Variants in MSRA observed in about 807,000 individuals in gnomAD.
The protein encoded by MSRA is methionine sulfoxide reductase A.
A neutral mutation model predicts 31.3 loss-of-function variants in MSRA; 54 were observed. The ratio of observed to expected loss-of-function variants is 1.73; its 90% CI spans 1.39 to 2.17. The LOEUF (loss-of-function observed/expected upper bound fraction) is 2.17, where lower values mean the gene tolerates loss of function less well. Among genes scored for constraint, MSRA ranks in the 30% most tolerant of loss-of-function variants. The pLI, the probability that MSRA is intolerant of heterozygous loss-of-function variation, is 0.00. For synonymous variants in MSRA, 169 were observed against 116.5 expected, an observed-to-expected ratio of 1.45 and a Z score of -2.90; for missense variants, 507 against 300.9, an observed-to-expected ratio of 1.69 and a Z score of -5.07.
intron 1 of MSRA, among the ~76,000 whole-genome samples, chr8:10,183,811 C>CTGG (rs1806768160): frequency 8.1e-6 from 1 of 123,430 alleles, no homozygotes; most frequent in South Asian, 2.6e-4. Flanking sequence ...GGTGGTGGTG[C>CTGG]TGCTGCTGCT....
intron 2 of MSRA, among the ~76,000 whole-genome samples, chr8:10,230,530 T>C (rs182171033): frequency 1.3e-5 from 2 of 152,214 alleles, no homozygotes; most frequent in African/African-American, 4.8e-5. Context: ...ATATGGAAAA[T>C]ATATGAAAAT....
intron 5 of MSRA, among the ~76,000 whole-genome samples, chr8:10,419,311 C>T (rs1169325294): frequency 6.6e-6 from 1 of 152,186 alleles, no homozygotes; most frequent in Non-Finnish European, 1.5e-5. Flanking sequence ...GAATCCAGAC[C>T]TGGATTCTTG....
intron 5 of MSRA, among the ~76,000 whole-genome samples, chr8:10,422,252 C>G (rs1301217199): frequency 6.6e-6 from 1 of 152,176 alleles, no homozygotes; most frequent in Non-Finnish European, 1.5e-5. Flanking sequence ...CACCAGTGTA[C>G]TCCAGCCTGG....
chr8:10,379,665 G>A (rs1805950605), intron 5 of MSRA, among the ~76,000 whole-genome samples: 1 of 152,166 alleles, frequency 6.6e-6, no homozygotes, highest in South Asian at 2.1e-4. Context: ...GTTTTGACAA[G>A]ACCTATAATG....
intron 5 of MSRA, among the ~76,000 whole-genome samples, chr8:10,323,224 A>G (rs1433977014): frequency 6.6e-6 from 1 of 152,208 alleles, no homozygotes; most frequent in Non-Finnish European, 1.5e-5. Context: ...AACCCCAACC[A>G]AGAACTTAAA....
intron 2 of MSRA, among the ~76,000 whole-genome samples, chr8:10,228,074 C>G (rs1239730130): frequency 1.3e-5 from 2 of 152,174 alleles, no homozygotes; most frequent in Non-Finnish European, 2.9e-5. Flanking sequence ...TCCAGGCCAC[C>G]AAGATGGTGT....
At chr8:10,330,046 T>C (rs375867268) in intron 5 of MSRA, among the ~76,000 whole-genome samples, 10 of 100,498 alleles carry the variant, frequency 1.0e-4, no homozygotes, top group Admixed American at 2.1e-4. Context: ...GTGTGTGTGA[T>C]CAAAAAGCAT....
chr8:10,236,272 A>T (rs886854001), intron 2 of MSRA, among the ~76,000 whole-genome samples: 1 of 152,198 alleles, frequency 6.6e-6, no homozygotes, highest in Non-Finnish European at 1.5e-5. Flanking sequence ...CAATACAATG[A>T]GATAAAGGCA....
chr8:10,259,923 G>T (rs965426595), intron 3 of MSRA, among the ~76,000 whole-genome samples: 4 of 152,240 alleles, frequency 2.6e-5, no homozygotes, highest in Admixed American at 2.0e-4. Flanking sequence ...TCCCTGGTGG[G>T]TGTTCTGCTG....
rs534250932 is a variant in MSRA, at chr8:10,356,476, C to T, written c.543+36487C>T. Among the ~76,000 whole-genome samples the T allele has an allele frequency of 2.6e-5, 4 of 152,334 alleles. No individual in the cohort carries two copies. The South Asian group carries it at 8.3e-4, about 32-fold the overall frequency. ...TTCCCAATTCTTGTAACAGCCACTT[C>T]CATGCATTTCTTTACGGATTTGTCA... On this transcript the variant is annotated intron_variant, in intron 5 of 5. Transcript: ENST00000317173.
intron 1 of MSRA, among the ~76,000 whole-genome samples, chr8:10,177,095 A>G: frequency 6.6e-6 from 1 of 152,180 alleles, no homozygotes; most frequent in African/African-American, 2.4e-5. Flanking sequence ...TTGCTGTTTG[A>G]TTCAATGAGT....
chr8:10,137,566 G>A (rs1802376135), intron 1 of MSRA, among the ~76,000 whole-genome samples: 1 of 152,202 alleles, frequency 6.6e-6, no homozygotes, highest in South Asian at 2.1e-4. Flanking sequence ...AGAAAGAACT[G>A]ACCATAAGCT....
chr8:10,287,800 G>T (rs1329628678), intron 3 of MSRA, among the ~76,000 whole-genome samples: 1 of 152,144 alleles, frequency 6.6e-6, no homozygotes, highest in East Asian at 1.9e-4. Flanking sequence ...GGGGACCATG[G>T]TAGAGCACTA....
At chr8:10,326,970 A>G (rs1164526768) in intron 5 of MSRA, among the ~76,000 whole-genome samples, 1 of 152,176 alleles carries the variant, frequency 6.6e-6, no homozygotes, top group Non-Finnish European at 1.5e-5. Flanking sequence ...GTTTCTTGAA[A>G]TGTGAAAGAC....
At chr8:10,414,565 G>T (rs148904694) in intron 5 of MSRA, among the ~76,000 whole-genome samples, 2 of 152,322 alleles carry the variant, frequency 1.3e-5, no homozygotes, top group African/African-American at 4.8e-5. Flanking sequence ...CTTTCTAGTG[G>T]CTCTGAATTG....
chr8:10,175,796 A>G (rs1181984047), intron 1 of MSRA, among the ~76,000 whole-genome samples: 3 of 152,300 alleles, frequency 2.0e-5, no homozygotes, highest in East Asian at 1.9e-4. Flanking sequence ...CCAAGGGGGC[A>G]TTTTACTTTC....
intron 4 of MSRA, among the ~76,000 whole-genome samples, chr8:10,304,480 A>T (rs190338208): frequency 1.4e-4 from 21 of 152,368 alleles, no homozygotes; most frequent in Admixed American, 1.4e-3. Context: ...CCAACCCTTA[A>T]GTTCAGAATA....
At chr8:10,070,419 T>G (rs1441411145) in intron 1 of MSRA, among the ~76,000 whole-genome samples, 5 of 152,204 alleles carry the variant, frequency 3.3e-5, no homozygotes, top group Non-Finnish European at 7.3e-5. Flanking sequence ...ATTTTTTCAA[T>G]TAAGTTTTAA....
intron 2 of MSRA, among the ~76,000 whole-genome samples, chr8:10,243,814 A>G (rs1193058850): frequency 6.6e-6 from 1 of 152,194 alleles, no homozygotes; most frequent in Non-Finnish European, 1.5e-5. Context: ...CTTTAGCCTT[A>G]GGTAATTATG....
Sources: gnomAD v4.1 joint callset for allele counts (sites outside exome capture counted in the v4.1 genomes callset) on GRCh38, gnomAD v4.1.1 for gene constraint, MANE v1.5 for transcripts, NCBI Gene and HGNC (gene_info 2026-07-23, HGNC 2026-07-21) for gene names.